TBC1D31: variants seen among roughly 807,000 people sequenced by gnomAD.
TBC1D31 encodes WD repeat domain 67.
A neutral mutation model predicts 132.9 loss-of-function variants in TBC1D31; 99 were observed. The observed-to-expected ratio is 0.74, with a 90% CI of 0.63 to 0.88. TBC1D31 has a LOEUF of 0.88. Ranked by LOEUF, TBC1D31 falls within the 40% of genes least tolerant of loss-of-function variation. The pLI is 0.00. For synonymous variants in TBC1D31, 385 were observed against 419.4 expected, an observed-to-expected ratio of 0.92 and a Z score of 1.00; for missense variants, 1,134 against 1,256.6, an observed-to-expected ratio of 0.90 and a Z score of 1.48.
intron 6 of TBC1D31, 56 bp downstream of exon 6, chr8:123,097,497 T>G (rs1255707604): frequency 1.3e-6 from 2 of 1,549,522 alleles, no homozygotes; most frequent in Non-Finnish European, 1.8e-6. Context: ...CATCCGTCTC[T>G]GAACTATATT....
At chr8:123,164,310 C>T in the TBC1D31 span, among the ~76,000 whole-genome samples, 1 of 152,216 alleles carries the variant, frequency 6.6e-6, no homozygotes, top group African/African-American at 2.4e-5. Flanking sequence ...TACATCAAAA[C>T]TCCCTTGGCC....
intron 17 of TBC1D31, among the ~76,000 whole-genome samples, chr8:123,137,321 T>C (rs1028719648): frequency 1.3e-5 from 2 of 152,224 alleles, no homozygotes; most frequent in African/African-American, 4.8e-5. Context: ...AATACGTATT[T>C]GTCTGTGTCA....
chr8:123,109,253 A>T, intron 8 of TBC1D31, 64 bp from the exon 9 acceptor site: 1 of 1,187,358 alleles, frequency 8.4e-7, no homozygotes, highest in Non-Finnish European at 1.2e-6. Context: ...GGACTAGATT[A>T]CCTTTGTCAC....
At chr8:123,099,265 G>A (rs1013350775) in intron 6 of TBC1D31, among the ~76,000 whole-genome samples, 3 of 151,942 alleles carry the variant, frequency 2.0e-5, no homozygotes, top group Non-Finnish European at 4.4e-5. Context: ...GACTATAGGC[G>A]CCTGCCACCA....
chr8:123,077,820 G>T (rs186989075), intron 2 of TBC1D31, among the ~76,000 whole-genome samples: 2 of 152,136 alleles, frequency 1.3e-5, no homozygotes, highest in African/African-American at 2.4e-5. Flanking sequence ...AGGCCAAGGC[G>T]GGCGGATCGC....
intron 13 of TBC1D31, among the ~76,000 whole-genome samples, chr8:123,127,002 G>A (rs1427518763): frequency 6.6e-6 from 1 of 152,112 alleles, no homozygotes; most frequent in Non-Finnish European, 1.5e-5. Flanking sequence ...GCCTCCCAAA[G>A]TGCTGGGATT....
intron 20 of TBC1D31, among the ~76,000 whole-genome samples, chr8:123,146,754 G>A (rs1441176031): frequency 6.6e-6 from 1 of 151,738 alleles, no homozygotes; most frequent in Non-Finnish European, 1.5e-5. Context: ...GCACGATCTT[G>A]GCTTACTGCA....
the TBC1D31 span, among the ~76,000 whole-genome samples, chr8:123,161,399 T>C: frequency 3.3e-5 from 5 of 152,216 alleles, no homozygotes; most frequent in South Asian, 8.3e-4. Flanking sequence ...TTGCCGGCGG[T>C]GGCTGATTTA....
At chr8:123,102,147 C>G (rs1817489402) in intron 7 of TBC1D31, 7 of 427,516 alleles carry the variant, frequency 1.6e-5, no homozygotes, top group South Asian at 1.0e-4. Context: ...CCCAGCTAAC[C>G]AGTCATATTG....
chr8:123,101,402 GTTTTGT>G (rs756034177), intron 7 of TBC1D31, among the ~76,000 whole-genome samples: 77 of 151,924 alleles, frequency 5.1e-4, no homozygotes, highest in Middle Eastern at 3.4e-3. Flanking sequence ...GTTTGTTTTT[GTTTTGT>G]TTTTGTTTTT....
intron 17 of TBC1D31, among the ~76,000 whole-genome samples, chr8:123,140,088 G>T (rs1821487568): frequency 6.6e-6 from 1 of 152,226 alleles, no homozygotes; most frequent in South Asian, 2.1e-4. Flanking sequence ...GGCTGGACAT[G>T]GTGGCTCACA....
intron 15 of TBC1D31, 53 bp downstream of exon 15, chr8:123,129,271 T>C: frequency 8.0e-7 from 1 of 1,245,098 alleles, no homozygotes; most frequent in Non-Finnish European, 1.1e-6. Flanking sequence ...AGTTGAATAA[T>C]TTTTATGTTC....
intron 10 of TBC1D31, among the ~76,000 whole-genome samples, chr8:123,119,521 G>T (rs943969633): frequency 1.4e-4 from 22 of 152,148 alleles, no homozygotes; most frequent in Admixed American, 6.5e-4. Context: ...GACCAGCCTG[G>T]GTAATATAGT....
Position 123,130,315 on chromosome 8 carries a change from T to C in TBC1D31, c.2388T>C (p.Asp796=). The C allele has an allele frequency of 6.2e-7, 1 of 1,611,550 alleles. No homozygotes were observed. The highest frequency in any genetic ancestry group is 8.5e-7 in the Non-Finnish European group (1 of 1,178,804). ...DQQEMELRRL[D]DEIGRKVYMR... ...AGGAAATGGAACTAAGAAGACTGGA[T>C]GATGAAATTGGGAGAAAGGTTTATT... Residue 796 remains aspartate, a synonymous_variant, in exon 16 of 22, where the codon GAT becomes GAC. Transcript: ENST00000287380.
At chr8:123,078,458 T>G (rs1277937573) in intron 2 of TBC1D31, among the ~76,000 whole-genome samples, 1 of 152,234 alleles carries the variant, frequency 6.6e-6, no homozygotes, top group Non-Finnish European at 1.5e-5. Flanking sequence ...TACACATATA[T>G]GTACACATTC....
rs1425947018 is a variant in TBC1D31 at position 123,105,323 on chromosome 8, G to C, written c.1068G>C (p.Leu356Phe). ...CTTTAGTGAAAGTTATTGAAGATTT[G>C]CCCAAGAATAAACTGAGTTCCAGTG... ...PPPLVKVIED[L>F]PKNKLSSSDL... Residue 356 changes from leucine to phenylalanine, a missense_variant, in exon 8 of 22, where the codon TTG becomes TTC. Leu to Phe is a conservative substitution (Grantham distance 22). Transcript: ENST00000287380. The C allele has an allele frequency of 5.7e-6, 9 of 1,590,582 alleles. No individual in the cohort carries two copies. Among genetic ancestry groups the C allele is most frequent in the Non-Finnish European group, 6.9e-6 (8 of 1,167,606 alleles).
intron 7 of TBC1D31, chr8:123,104,152 T>C (rs534601989): frequency 5.9e-5 from 9 of 152,288 alleles, no homozygotes; most frequent in Admixed American, 3.3e-4. Flanking sequence ...AAACGGGAAA[T>C]TGTGACATTT....
intron 15 of TBC1D31, among the ~76,000 whole-genome samples, chr8:123,129,581 A>T (rs1276415416): frequency 6.6e-6 from 1 of 152,216 alleles, no homozygotes; most frequent in Non-Finnish European, 1.5e-5. Context: ...TGTTTTAAAC[A>T]TACCTGTGTG....
chr8:123,156,740 A>C (rs979287203), downstream of TBC1D31, among the ~76,000 whole-genome samples: 1 of 152,056 alleles, frequency 6.6e-6, no homozygotes, highest in African/African-American at 2.4e-5. Context: ...CATGACCTGC[A>C]TTTCCGGATA....
Sources: gnomAD v4.1 joint callset for allele counts (sites outside exome capture counted in the v4.1 genomes callset) on GRCh38, gnomAD v4.1.1 for gene constraint, MANE v1.5 for transcripts, NCBI Gene and HGNC (gene_info 2026-07-23, HGNC 2026-07-21) for gene names.